ANO3: variants seen among roughly 807,000 people sequenced by gnomAD.
ANO3 encodes anoctamin 3.
In ANO3, 99 loss-of-function variants were observed where a neutral mutation model predicts 144.8. The observed-to-expected ratio is 0.68, with a 90% CI of 0.58 to 0.81. The LOEUF (loss-of-function observed/expected upper bound fraction) is 0.81, where lower values mean the gene tolerates loss of function less well. Among genes scored for constraint, ANO3 ranks in the 30% least tolerant of loss-of-function variants. The pLI is 0.00. For missense variants in ANO3, 905 were observed against 1,202.2 expected, an observed-to-expected ratio of 0.75 and a Z score of 3.66; for synonymous variants, 414 against 392.6, an observed-to-expected ratio of 1.05 and a Z score of -0.64.
intron 14 of ANO3, chr11:26,563,393 CTCTGTGTG>C (rs760439752): frequency 0.014 from 11,508 of 825,076 alleles, 212 homozygotes; most frequent in Middle Eastern, 0.023. Context: ...GTGTTTCTCT[CTCTGTGTG>C]TGTGTGTGTG....
At position 26,376,049 on chromosome 11, in the gene ANO3, C is replaced by CT. The variant is rs199827434; in HGVS notation, c.46+43729dup. Among the ~76,000 whole-genome samples the CT allele has an allele frequency of 8.9e-3, 1,357 of 152,206 alleles. 8 individuals are homozygous for CT. The highest frequency in any genetic ancestry group is 0.014 in the Non-Finnish European group (937 of 68,004). ...TGTTAAAAATGGTAAAGGGAATAACCTACAGTCTAGAAGAAAAGGCATTTT... is the reference window on the plus strand; with the variant it reads ...TGTTAAAAATGGTAAAGGGAATAACCTTACAGTCTAGAAGAAAAGGCATTTT... On this transcript the variant is annotated intron_variant, in intron 1 of 26. Transcript: ENST00000256737.
chr11:26,446,930 C>A (rs1004977837), intron 3 of ANO3, among the ~76,000 whole-genome samples: 1 of 152,076 alleles, frequency 6.6e-6, no homozygotes, highest in East Asian at 1.9e-4. Flanking sequence ...TGATTTTAGG[C>A]TGGGTGTGGT....
chr11:26,299,289 A>T (rs1854163490), intron 1 of ANO3, among the ~76,000 whole-genome samples: 1 of 152,212 alleles, frequency 6.6e-6, no homozygotes, highest in Non-Finnish European at 1.5e-5. Context: ...ATTATATAGC[A>T]TGCCCCTAAT....
chr11:26,395,907 C>T (rs946386659), intron 1 of ANO3, among the ~76,000 whole-genome samples: 1 of 151,988 alleles, frequency 6.6e-6, no homozygotes, highest in South Asian at 2.1e-4. Context: ...ACTAAAACAC[C>T]AAAAGCAAGG....
chr11:26,409,462 GT>G (rs10717361), intron 1 of ANO3, among the ~76,000 whole-genome samples: 148,679 of 151,926 alleles, frequency 0.98, 72,828 homozygotes, highest in Middle Eastern at 1. Flanking sequence ...ACATGAAATT[GT>G]TTTTTTCTAC....
chr11:26,351,585 G>A (rs1429586013), intron 1 of ANO3, among the ~76,000 whole-genome samples: 1 of 152,172 alleles, frequency 6.6e-6, no homozygotes, highest in East Asian at 1.9e-4. Context: ...CATGGTCATA[G>A]AGAATTTATA....
intron 20 of ANO3, among the ~76,000 whole-genome samples, chr11:26,635,752 C>G (rs1424379083): frequency 6.6e-6 from 1 of 152,132 alleles, no homozygotes; most frequent in African/African-American, 2.4e-5. Flanking sequence ...TTTTATATTT[C>G]TGTTCATAGC....
chr11:26,293,547 A>ATC (rs370216871), intron 1 of ANO3, among the ~76,000 whole-genome samples: 56 of 124,212 alleles, frequency 4.5e-4, no homozygotes, highest in Admixed American at 1.4e-3. Flanking sequence ...ATATATATAT[A>ATC]TATATATATA....
At chr11:26,294,110 G>A (rs1051064657) in intron 1 of ANO3, among the ~76,000 whole-genome samples, 3 of 152,148 alleles carry the variant, frequency 2.0e-5, no homozygotes, top group Admixed American at 2.0e-4. Context: ...AGTGGGCCCG[G>A]TGGAAATAAA....
At chr11:26,367,204 C>T (rs1433169768) in intron 1 of ANO3, among the ~76,000 whole-genome samples, 1 of 152,210 alleles carries the variant, frequency 6.6e-6, no homozygotes, top group Non-Finnish European at 1.5e-5. Context: ...TGGGCAAGCA[C>T]TTTTTCTTTC....
intron 1 of ANO3, among the ~76,000 whole-genome samples, chr11:26,434,182 T>G (rs1463420837): frequency 6.6e-6 from 1 of 152,186 alleles, no homozygotes; most frequent in Admixed American, 6.5e-5. Flanking sequence ...TATTCATCTC[T>G]TCTAGGTTTT....
chr11:26,540,916 T>C (rs146230189), intron 10 of ANO3, among the ~76,000 whole-genome samples: 37 of 152,176 alleles, frequency 2.4e-4, no homozygotes, highest in African/African-American at 6.0e-4. Context: ...GAACCAGAAA[T>C]ACCATTTGAC....
chr11:26,394,652 A>T (rs552690504), intron 1 of ANO3, among the ~76,000 whole-genome samples: 4 of 144,544 alleles, frequency 2.8e-5, no homozygotes, highest in African/African-American at 1.0e-4. Flanking sequence ...ATCACAGCTC[A>T]CTGCAACCTC....
intron 17 of ANO3, among the ~76,000 whole-genome samples, chr11:26,610,396 A>T (rs977858984): frequency 4.1e-5 from 6 of 144,918 alleles, no homozygotes; most frequent in African/African-American, 1.3e-4. Flanking sequence ...TTTTCTAATC[A>T]GGTTATTTGT....
chr11:26,388,748 A>C (rs1235684111), intron 1 of ANO3, among the ~76,000 whole-genome samples: 2 of 152,162 alleles, frequency 1.3e-5, no homozygotes, highest in South Asian at 4.1e-4. Flanking sequence ...GGCACTATTG[A>C]TGGCTCAGTG....
At chr11:26,455,097 A>G (rs1401149419) in intron 3 of ANO3, among the ~76,000 whole-genome samples, 1 of 152,170 alleles carries the variant, frequency 6.6e-6, no homozygotes, top group African/African-American at 2.4e-5. Flanking sequence ...GCTATTTATG[A>G]CAGACCCACA....
chr11:26,564,724 CACACACACATATATATATAT>C (rs1375372531), intron 14 of ANO3, among the ~76,000 whole-genome samples: 111 of 57,300 alleles, frequency 1.9e-3, no homozygotes, highest in African/African-American at 3.1e-3. Context: ...CACACACACA[CACACACACATATATATATAT>C]ATATATATAT....
chr11:26,322,200 C>T (rs988461974), intron 1 of ANO3, among the ~76,000 whole-genome samples: 1 of 151,910 alleles, frequency 6.6e-6, no homozygotes, highest in African/African-American at 2.4e-5. Flanking sequence ...TAATTGAAGA[C>T]CTGATTTTTT....
chr11:26,209,013 T>C (rs1486630080), intron 1 of ANO3, among the ~76,000 whole-genome samples: 1 of 152,222 alleles, frequency 6.6e-6, no homozygotes, highest in Non-Finnish European at 1.5e-5. Context: ...TTTAAAATTA[T>C]ACTTAAAGTT....
Sources: allele counts gnomAD v4.1 joint callset (sites outside exome capture counted in the v4.1 genomes callset), GRCh38; gene constraint gnomAD v4.1.1; transcripts MANE v1.5; gene names NCBI Gene and HGNC (gene_info 2026-07-23, HGNC 2026-07-21).